The following XKR3 variants were observed in gnomAD, a reference collection of about 807,000 sequenced individuals.
The protein encoded by XKR3 is XK related 3, also known as XK-related protein 3.
Under a neutral mutation model 40.3 loss-of-function variants are expected in XKR3, and 27 were observed. The observed-to-expected ratio is 0.67, with a 90% CI of 0.49 to 0.92. The LOEUF (loss-of-function observed/expected upper bound fraction) is 0.92. Among genes scored for constraint, XKR3 ranks in the 40% least tolerant of loss-of-function variants. The probability of loss-of-function intolerance (pLI) is 0.00; values close to 1 mark genes in which losing one functional copy is unlikely to be tolerated. For synonymous variants in XKR3, 193 were observed against 195.4 expected, an observed-to-expected ratio of 0.99 and a Z score of 0.10; for missense variants, 472 against 537.6, an observed-to-expected ratio of 0.88 and a Z score of 1.21.
At chr22:16,809,908 A>C (rs1173995011) in intron 1 of XKR3, among the ~76,000 whole-genome samples, 1 of 152,124 alleles carries the variant, frequency 6.6e-6, no homozygotes, top group East Asian at 1.9e-4. Flanking sequence ...GCAGGCCACC[A>C]GGCCTAGCTA....
chr22:16,811,859 A>T lies in XKR3; in HGVS notation c.-10-3776T>A, dbSNP rs188356155. Among the ~76,000 whole-genome samples, 23 of 152,108 alleles carry T rather than the reference A, an allele frequency of 1.5e-4. 2 individuals are homozygous for T. The highest frequency in any genetic ancestry group is 5.3e-4 in the African/African-American group (22 of 41,490). ...CTGTTTCTACTAAAAATACAAAAAAATTATCCCAGCATGGTGGCGGGCACC... is the reference window on the plus strand; with the variant it reads ...CTGTTTCTACTAAAAATACAAAAAATTTATCCCAGCATGGTGGCGGGCACC... On this transcript the variant is annotated intron_variant, in intron 1 of 3. Coordinates refer to ENST00000684488, the MANE Select transcript of XKR3 (RefSeq NM_001386955.1).
At chr22:16,809,669 C>A (rs993477983) in intron 1 of XKR3, among the ~76,000 whole-genome samples, 6 of 152,152 alleles carry the variant, frequency 3.9e-5, no homozygotes, top group African/African-American at 1.4e-4. Context: ...TTCCACTTAC[C>A]TTAACCAGTC....
At chr22:16,785,848 A>C (rs1400964763) in intron 3 of XKR3, among the ~76,000 whole-genome samples, 1 of 152,180 alleles carries the variant, frequency 6.6e-6, no homozygotes, top group African/African-American at 2.4e-5. Flanking sequence ...ACTCCATCTC[A>C]AAAAACAAAC....
chr22:16,825,218 C>T (rs939686244), intron 1 of XKR3, among the ~76,000 whole-genome samples, 73 bp downstream of exon 1: 1 of 152,180 alleles, frequency 6.6e-6, no homozygotes, highest in Non-Finnish European at 1.5e-5. Context: ...TTAAGATCCC[C>T]AGCTGAGACA....
At chr22:16,809,364 C>T (rs557199401) in intron 1 of XKR3, among the ~76,000 whole-genome samples, 67 of 152,230 alleles carry the variant, frequency 4.4e-4, no homozygotes, top group African/African-American at 1.6e-3. Context: ...TTCTCCTCTT[C>T]GGTGCTCTGA....
At chr22:16,813,351 T>C (rs766656011) in intron 1 of XKR3, among the ~76,000 whole-genome samples, 1 of 152,092 alleles carries the variant, frequency 6.6e-6, no homozygotes. Flanking sequence ...TAATGCCTCT[T>C]TCTAAGGCAT....
intron 1 of XKR3, among the ~76,000 whole-genome samples, chr22:16,823,505 G>A (rs5994032): frequency 0.44 from 67,594 of 152,040 alleles, 15,373 homozygotes; most frequent in Non-Finnish European, 0.46. Context: ...TGGAAAAGTG[G>A]TGGAAGCAGA....
chr22:16,824,375 T>C (rs1181759593), intron 1 of XKR3, among the ~76,000 whole-genome samples: 1 of 152,010 alleles, frequency 6.6e-6, no homozygotes, highest in Non-Finnish European at 1.5e-5. Flanking sequence ...ATGTTACTTT[T>C]AAAGACAATT....
At chr22:16,815,630 A>G (rs1206702903) in intron 1 of XKR3, among the ~76,000 whole-genome samples, 1 of 151,968 alleles carries the variant, frequency 6.6e-6, no homozygotes, top group Non-Finnish European at 1.5e-5. Flanking sequence ...AGTGGTTAAG[A>G]CACATATTTA....
intron 1 of XKR3, among the ~76,000 whole-genome samples, chr22:16,813,702 A>T (rs985862765): frequency 2.0e-5 from 3 of 152,234 alleles, no homozygotes; most frequent in African/African-American, 7.2e-5. Context: ...TCTTAATTTT[A>T]GGAACATATG....
chr22:16,825,009 T>C (rs957409295), intron 1 of XKR3, among the ~76,000 whole-genome samples: 1 of 152,224 alleles, frequency 6.6e-6, no homozygotes, highest in African/African-American at 2.4e-5. Flanking sequence ...TTCTGCCCCT[T>C]TGAGATTTCA....
At chr22:16,816,145 C>T (rs1039241786) in intron 1 of XKR3, among the ~76,000 whole-genome samples, 3 of 151,710 alleles carry the variant, frequency 2.0e-5, no homozygotes, top group African/African-American at 7.2e-5. Flanking sequence ...AATTTGGAAG[C>T]ATTTACATCT....
At chr22:16,797,764 G>A (rs568108787) in intron 3 of XKR3, among the ~76,000 whole-genome samples, 1 of 147,576 alleles carries the variant, frequency 6.8e-6, no homozygotes, top group Non-Finnish European at 1.5e-5. Flanking sequence ...CTGCACTCCA[G>A]CCTGGGCGAC....
At chr22:16,809,329 T>C (rs2060203337) in intron 1 of XKR3, among the ~76,000 whole-genome samples, 1 of 152,344 alleles carries the variant, frequency 6.6e-6, no homozygotes, top group East Asian at 1.9e-4. Flanking sequence ...GATTGATCTT[T>C]TTCTCTTTTG....
intron 1 of XKR3, among the ~76,000 whole-genome samples, chr22:16,810,324 G>A (rs891990255): frequency 1.4e-4 from 22 of 152,158 alleles, no homozygotes; most frequent in African/African-American, 5.1e-4. Context: ...CATTTCACCT[G>A]ATAATAATTA....
chr22:16,809,167 C>T (rs2060202770), intron 1 of XKR3, among the ~76,000 whole-genome samples: 1 of 152,198 alleles, frequency 6.6e-6, no homozygotes, highest in Non-Finnish European at 1.5e-5. Context: ...TCCTCAAATT[C>T]TTTAAATTTT....
intron 3 of XKR3, among the ~76,000 whole-genome samples, chr22:16,789,946 CCTAT>C (rs2060107039): frequency 6.6e-6 from 1 of 152,136 alleles, no homozygotes; most frequent in South Asian, 2.1e-4. Context: ...AAATCAGAAC[CCTAT>C]CTCTTACTAC....
intron 1 of XKR3, among the ~76,000 whole-genome samples, chr22:16,816,181 A>G (rs1315288533): frequency 6.6e-6 from 1 of 151,918 alleles, no homozygotes; most frequent in Admixed American, 6.6e-5. Context: ...TTATCTACAT[A>G]ATATCTGATT....
chr22:16,804,154 A>T (rs1402687444), intron 2 of XKR3, among the ~76,000 whole-genome samples: 1 of 152,166 alleles, frequency 6.6e-6, no homozygotes, highest in Non-Finnish European at 1.5e-5. Context: ...ACTTTCTCAG[A>T]CTAGGAAAAG....
Sources: allele counts gnomAD v4.1 joint callset (sites outside exome capture counted in the v4.1 genomes callset), GRCh38; gene constraint gnomAD v4.1.1; transcripts MANE v1.5; gene names NCBI Gene and HGNC (gene_info 2026-07-23, HGNC 2026-07-21).